Variants in RMST observed in about 807,000 individuals in gnomAD.
RMST encodes rhabdomyosarcoma 2 associated transcript.
chr12:97,470,875 G>C (rs1380601992), intron 5 of RMST, among the ~76,000 whole-genome samples: 1 of 151,970 alleles, frequency 6.6e-6, no homozygotes, highest in African/African-American at 2.4e-5. Flanking sequence ...CCATCATAAA[G>C]TTTTATTAGC....
At chr12:97,547,103 G>A (rs1882995629) in intron 11 of RMST, among the ~76,000 whole-genome samples, 1 of 151,218 alleles carries the variant, frequency 6.6e-6, no homozygotes, top group Non-Finnish European at 1.5e-5. Flanking sequence ...GAAATAGCCA[G>A]GCATAGAAAG....
chr12:97,511,832 G>A (rs1592710748), intron 10 of RMST, among the ~76,000 whole-genome samples: 1 of 152,026 alleles, frequency 6.6e-6, no homozygotes, highest in Non-Finnish European at 1.5e-5. Flanking sequence ...GGCTAACTAG[G>A]GCCATTACTT....
intron 11 of RMST, among the ~76,000 whole-genome samples, chr12:97,559,088 T>TTCTCTCTCTCTC (rs56136727): frequency 1.3e-3 from 184 of 146,650 alleles, no homozygotes; most frequent in African/African-American, 4.4e-3. Context: ...ATTTCGAGGT[T>TTCTCTCTCTCTC]TCTCTCTCTC....
intron 11 of RMST, among the ~76,000 whole-genome samples, chr12:97,547,936 G>A (rs1883054228): frequency 6.6e-6 from 1 of 151,914 alleles, no homozygotes; most frequent in African/African-American, 2.4e-5. Context: ...TGTTGCCTGT[G>A]CCTTGGGGTC....
rs187244552 is a variant in RMST, at chr12:97,507,857, G to A, written n.1340+11801G>A. Among the ~76,000 whole-genome samples the A allele has an allele frequency of 1.9e-4, 29 of 152,236 alleles. No homozygotes were observed. In the East Asian group the frequency reaches 3.3e-3, roughly 17 times the overall value. The stretch of plus-strand genomic sequence containing the variant: ...GAAAGCATGGAAGAACACTGCAGCT[G>A]GGCACTTGGCAAGCCAGCTCACATT... On this transcript the variant is annotated intron_variant and non_coding_transcript_variant, in intron 10 of 13. Transcript: ENST00000640149.
At chr12:97,537,742 T>G (rs1200362301) in intron 11 of RMST, among the ~76,000 whole-genome samples, 4 of 151,482 alleles carry the variant, frequency 2.6e-5, no homozygotes, top group African/African-American at 9.7e-5. Context: ...AATGAGAGCC[T>G]GGATGTGTCA....
chr12:97,490,994 G>C (rs1876734020), intron 5 of RMST, among the ~76,000 whole-genome samples: 1 of 152,180 alleles, frequency 6.6e-6, no homozygotes, highest in South Asian at 2.1e-4. Flanking sequence ...AGGGAAAATG[G>C]GTTTGAGTTT....
intron 5 of RMST, among the ~76,000 whole-genome samples, chr12:97,469,565 CGTTT>C (rs1235924526): frequency 6.6e-6 from 1 of 151,924 alleles, no homozygotes; most frequent in Non-Finnish European, 1.5e-5. Context: ...ATCATCATTA[CGTTT>C]GTTTGTAGAT....
exon 13 of RMST, chr12:97,560,928 A>T (rs928667208): frequency 6.6e-6 from 1 of 152,324 alleles, no homozygotes; most frequent in African/African-American, 2.4e-5. Flanking sequence ...TGCCAAGCTC[A>T]CTTTTAATCA....
At chr12:97,561,594 TA>T (rs1377833100) in intron 13 of RMST, among the ~76,000 whole-genome samples, 38 of 148,894 alleles carry the variant, frequency 2.6e-4, no homozygotes, top group Non-Finnish European at 5.4e-4. Context: ...TGATTCAAAT[TA>T]AACATCACTT....
At chr12:97,492,545 A>G (rs1411993657) in exon 6 of RMST, 1 of 153,412 alleles carries the variant, frequency 6.5e-6, no homozygotes, top group African/African-American at 2.4e-5. Context: ...GGGGAAATAT[A>G]ATCAGACATG....
At chr12:97,533,963 G>A (rs989135344) in intron 11 of RMST, among the ~76,000 whole-genome samples, 1 of 151,768 alleles carries the variant, frequency 6.6e-6, no homozygotes, top group African/African-American at 2.4e-5. Context: ...AGTCAAAGAT[G>A]AAAAACTTGT....
At chr12:97,517,261 A>G (rs772629576) in intron 10 of RMST, among the ~76,000 whole-genome samples, 25 of 151,970 alleles carry the variant, frequency 1.6e-4, no homozygotes, top group Non-Finnish European at 2.9e-4. Flanking sequence ...TCTCCTTCAC[A>G]CCATCTTCAA....
chr12:97,484,433 A>G (rs1160487105), intron 5 of RMST, among the ~76,000 whole-genome samples: 1 of 152,206 alleles, frequency 6.6e-6, no homozygotes, highest in East Asian at 1.9e-4. Flanking sequence ...TAATTGCTAC[A>G]TGCTTTTAGT....
chr12:97,517,662 C>G (rs1311342420), intron 10 of RMST, among the ~76,000 whole-genome samples: 1 of 152,010 alleles, frequency 6.6e-6, no homozygotes, highest in Non-Finnish European at 1.5e-5. Flanking sequence ...GTTTTCCATA[C>G]TACACATGCA....
chr12:97,479,360 C>T (rs1010725516), intron 5 of RMST, among the ~76,000 whole-genome samples: 3 of 151,876 alleles, frequency 2.0e-5, no homozygotes, highest in African/African-American at 7.2e-5. Flanking sequence ...TGTATGTTGC[C>T]CAGGCTATTC....
intron 4 of RMST, among the ~76,000 whole-genome samples, chr12:97,463,829 A>T (rs533121379): frequency 6.6e-6 from 1 of 152,234 alleles, no homozygotes; most frequent in Non-Finnish European, 1.5e-5. Context: ...ATATATATGA[A>T]ATGTACAATA....
chr12:97,536,547 G>T (rs1882092616), intron 11 of RMST, among the ~76,000 whole-genome samples: 1 of 151,394 alleles, frequency 6.6e-6, no homozygotes, highest in Non-Finnish European at 1.5e-5. Flanking sequence ...TATCTGCAGG[G>T]CCTAGAAGAG....
At chr12:97,506,829 A>G (rs1878734235) in intron 10 of RMST, among the ~76,000 whole-genome samples, 1 of 151,682 alleles carries the variant, frequency 6.6e-6, no homozygotes, top group African/African-American at 2.4e-5. Flanking sequence ...GATTACAGGC[A>G]CGCACCACCA....
Sources: gnomAD v4.1 joint callset for allele counts (sites outside exome capture counted in the v4.1 genomes callset) on GRCh38, gnomAD v4.1.1 for gene constraint, MANE v1.5 for transcripts, NCBI Gene and HGNC (gene_info 2026-07-23, HGNC 2026-07-21) for gene names.